DSCAML1: variants seen among roughly 807,000 people sequenced by gnomAD.
The protein encoded by DSCAML1 is DS cell adhesion molecule like 1, also known as cell adhesion molecule DSCAML1.
A neutral mutation model predicts 200.5 loss-of-function variants in DSCAML1; 38 were observed. The observed-to-expected ratio is 0.19, with a 90% CI of 0.15 to 0.25. The LOEUF (loss-of-function observed/expected upper bound fraction) is 0.25. DSCAML1 is among the 10% of genes least tolerant of loss of function. The pLI is 1.00. For synonymous variants in DSCAML1, 1,215 were observed against 1,165.0 expected (o/e 1.04, Z -0.87); for missense variants, 2,223 against 2,858.8 (o/e 0.78, Z 5.07).
At chr11:117,641,582 G>A (rs2052408732) in intron 3 of DSCAML1, among the ~76,000 whole-genome samples, 1 of 152,174 alleles carries the variant, frequency 6.6e-6, no homozygotes, top group African/African-American at 2.4e-5. Flanking sequence ...AGGGAATGGA[G>A]GGACTCGGGC....
chr11:117,779,269 G>A (rs553420987), intron 2 of DSCAML1, among the ~76,000 whole-genome samples: 11 of 152,190 alleles, frequency 7.2e-5, no homozygotes, highest in Non-Finnish European at 1.3e-4. Context: ...AATGATCCGA[G>A]ACCCACCTTA....
intron 15 of DSCAML1, 136 bp downstream of exon 15, chr11:117,471,733 A>G (rs1308695560): frequency 8.8e-6 from 7 of 799,184 alleles, no homozygotes; most frequent in Non-Finnish European, 1.1e-5. Flanking sequence ...GGTGGACACA[A>G]ACATCTGTTA....
chr11:117,742,014 A>T (rs139357209), intron 3 of DSCAML1, among the ~76,000 whole-genome samples: 1 of 152,364 alleles, frequency 6.6e-6, no homozygotes, highest in Non-Finnish European at 1.5e-5. Context: ...GGGAGGAAAC[A>T]GAATGAGACA....
At chr11:117,619,236 C>T (rs573235129) in intron 3 of DSCAML1, among the ~76,000 whole-genome samples, 111 of 152,336 alleles carry the variant, frequency 7.3e-4, no homozygotes, top group South Asian at 6.2e-4. Context: ...CCAACCTGGT[C>T]GCTAGGAAAC....
At chr11:117,471,158 CAT>C (rs1565713752) in intron 15 of DSCAML1, among the ~76,000 whole-genome samples, 1 of 151,444 alleles carries the variant, frequency 6.6e-6, no homozygotes, top group Non-Finnish European at 1.5e-5. Flanking sequence ...ACATATATGT[CAT>C]GTGTATTTTT....
chr11:117,763,277 A>G (rs2054838743), intron 3 of DSCAML1, among the ~76,000 whole-genome samples: 1 of 152,064 alleles, frequency 6.6e-6, no homozygotes, highest in South Asian at 2.1e-4. Context: ...CCCCAGAACA[A>G]GTAGATCAGG....
At chr11:117,699,891 T>C (rs1457680073) in intron 3 of DSCAML1, among the ~76,000 whole-genome samples, 1 of 152,214 alleles carries the variant, frequency 6.6e-6, no homozygotes, top group Non-Finnish European at 1.5e-5. Flanking sequence ...CTCCTGGGCT[T>C]GTCCTTACCA....
intron 15 of DSCAML1, among the ~76,000 whole-genome samples, chr11:117,470,913 A>C (rs2048673245): frequency 6.6e-6 from 1 of 152,264 alleles, no homozygotes; most frequent in Non-Finnish European, 1.5e-5. Flanking sequence ...TCATGAATAC[A>C]TTCTACTGGA....
At chr11:117,607,637 C>G (rs893289141) in intron 3 of DSCAML1, among the ~76,000 whole-genome samples, 1 of 152,200 alleles carries the variant, frequency 6.6e-6, no homozygotes, top group African/African-American at 2.4e-5. Flanking sequence ...AGGCAGGGGC[C>G]TACGCATTAG....
intron 14 of DSCAML1, among the ~76,000 whole-genome samples, chr11:117,477,206 C>G (rs556619229): frequency 2.0e-5 from 3 of 151,300 alleles, no homozygotes; most frequent in African/African-American, 7.3e-5. Context: ...TAGACACACA[C>G]ACACACACAC....
chr11:117,473,002 T>A (rs1199700993), intron 14 of DSCAML1, among the ~76,000 whole-genome samples: 39 of 152,166 alleles, frequency 2.6e-4, no homozygotes, highest in Non-Finnish European at 8.8e-5. Flanking sequence ...AAGCTGATAG[T>A]AGGGCTGAAA....
At chr11:117,565,517 C>A (rs982651498) in intron 3 of DSCAML1, among the ~76,000 whole-genome samples, 1 of 152,176 alleles carries the variant, frequency 6.6e-6, no homozygotes, top group African/African-American at 2.4e-5. Context: ...TTTATTATGA[C>A]TCATTGTCTG....
At chr11:117,692,543 A>G (rs1051117606) in intron 3 of DSCAML1, among the ~76,000 whole-genome samples, 1 of 152,154 alleles carries the variant, frequency 6.6e-6, no homozygotes, top group Non-Finnish European at 1.5e-5. Context: ...ATGGGCTGAG[A>G]AAGGGGAGGT....
At chr11:117,606,344 G>A (rs538531659) in intron 3 of DSCAML1, among the ~76,000 whole-genome samples, 10 of 152,226 alleles carry the variant, frequency 6.6e-5, no homozygotes, top group African/African-American at 2.2e-4. Flanking sequence ...AGAAGTTCTC[G>A]CGGCCTCAGT....
chr11:117,430,771 C>T lies in DSCAML1; in HGVS notation c.5637G>A (p.Ala1879=), dbSNP rs369437154. 114 of 1,613,928 alleles carry T rather than the reference C, an allele frequency of 7.1e-5. No homozygotes were observed. The highest frequency in any genetic ancestry group is 1.0e-4 in the Admixed American group (6 of 60,002). Residue 1879 remains alanine, a synonymous_variant, in exon 32 of 33, where the codon GCG becomes GCA. Coordinates refer to ENST00000651296, the MANE Select transcript of DSCAML1 (RefSeq NM_020693.4). ...FTASPPKPQD[A]DRGKNVAVPI... ...GCACAGCCACGTTTTTGCCCCGGTC[C>T]GCATCCTGGGGCTTGGGTGGTGAGG...
intron 3 of DSCAML1, among the ~76,000 whole-genome samples, chr11:117,692,927 T>C (rs749163504): frequency 5.3e-5 from 8 of 152,198 alleles, no homozygotes. Context: ...TTCATTTTCC[T>C]GTGTTTCTCA....
At chr11:117,669,286 A>C (rs562165585) in intron 3 of DSCAML1, among the ~76,000 whole-genome samples, 88 of 152,296 alleles carry the variant, frequency 5.8e-4, no homozygotes, top group Non-Finnish European at 9.0e-4. Flanking sequence ...ACAGGCAGGC[A>C]CCAGGGTGGG....
intron 3 of DSCAML1, among the ~76,000 whole-genome samples, chr11:117,664,523 A>C (rs1053195971): frequency 6.6e-6 from 1 of 152,114 alleles, no homozygotes; most frequent in African/African-American, 2.4e-5. Flanking sequence ...CTCCTACCTT[A>C]CATTGCTGTT....
At chr11:117,599,432 A>C (rs974773348) in intron 3 of DSCAML1, among the ~76,000 whole-genome samples, 1 of 152,056 alleles carries the variant, frequency 6.6e-6, no homozygotes, top group African/African-American at 2.4e-5. Context: ...ACACTTCGAA[A>C]TCTTCTAATG....
Sources: gnomAD v4.1 joint callset for allele counts (sites outside exome capture counted in the v4.1 genomes callset) on GRCh38, gnomAD v4.1.1 for gene constraint, MANE v1.5 for transcripts, NCBI Gene and HGNC (gene_info 2026-07-23, HGNC 2026-07-21) for gene names.